The following COTL1 variants were observed in gnomAD, a reference collection of about 807,000 sequenced individuals.
COTL1 encodes the protein coactosin like F-actin binding protein 1, also known as coactosin-like protein.
COTL1 carries 15 observed loss-of-function variants against 16.5 expected under a neutral mutation model. That is an observed-to-expected ratio of 0.91 (90% confidence interval 0.61 to 1.40). COTL1 has a LOEUF of 1.40. Among genes scored for constraint, COTL1 ranks in the 40% most tolerant of loss-of-function variants. The probability of loss-of-function intolerance (pLI) is 0.00; values close to 1 mark genes in which losing one functional copy is unlikely to be tolerated. For missense variants in COTL1, 220 were observed against 201.5 expected (o/e 1.09, Z -0.56); for synonymous variants, 112 against 85.3 (o/e 1.31, Z -1.73).
At chr16:84,610,066 A>G (rs1408276552) in intron 2 of COTL1, among the ~76,000 whole-genome samples, 1 of 152,142 alleles carries the variant, frequency 6.6e-6, no homozygotes, top group Non-Finnish European at 1.5e-5. Flanking sequence ...AGCCCCTCAA[A>G]CATCTGAAGA....
intron 3 of COTL1, among the ~76,000 whole-genome samples, chr16:84,587,160 C>A (rs193293327): frequency 1.3e-3 from 200 of 152,280 alleles, no homozygotes; most frequent in Non-Finnish European, 2.1e-3. Flanking sequence ...TGGAGAAAAA[C>A]AGCCTGTAGG....
At chr16:84,582,414 G>A (rs553949805) in intron 3 of COTL1, among the ~76,000 whole-genome samples, 11 of 152,314 alleles carry the variant, frequency 7.2e-5, no homozygotes, top group African/African-American at 2.6e-4. Flanking sequence ...AAAGTACTAG[G>A]ATTACAGGCA....
chr16:84,613,243 A>C (rs1905379764), intron 2 of COTL1, among the ~76,000 whole-genome samples: 1 of 151,940 alleles, frequency 6.6e-6, no homozygotes, highest in Non-Finnish European at 1.5e-5. Flanking sequence ...CAAGTGATCC[A>C]CCTGCCTTGG....
At chr16:84,588,024 G>T (rs1457265238) in intron 3 of COTL1, among the ~76,000 whole-genome samples, 2 of 152,018 alleles carry the variant, frequency 1.3e-5, no homozygotes, top group Admixed American at 1.3e-4. Flanking sequence ...CGCCTGCCTT[G>T]GCCTCCCAAA....
At position 84,566,528 on chromosome 16, in the gene COTL1, T is replaced by G; in HGVS notation, c.*317A>C. 4.3e-6 allele frequency: 1 copy of G among 234,562 alleles called. No individual in the cohort carries two copies. Among genetic ancestry groups the G allele is most frequent in the Non-Finnish European group, 8.3e-6 (1 of 120,162 alleles). The allele number at this position is 234,562 out of a possible 1,614,324, so 14.5% of individuals were successfully genotyped here. A position where few individuals can be genotyped will look rare whatever the true frequency, so the allele number is the denominator to read the frequency against. On this transcript the variant is annotated 3_prime_UTR_variant, in exon 4 of 4. Coordinates refer to ENST00000262428, the MANE Select transcript of COTL1 (RefSeq NM_021149.5). ...GGAAGAGAAATGCCAGGAAAAGGGG[T>G]CACTGCAGGAGGCACCTCGGATCTG... is the stretch of plus-strand genomic sequence containing the variant.
chr16:84,581,975 CTTCTTTTTTTTTTTTTT>C (rs1297990813), intron 3 of COTL1, among the ~76,000 whole-genome samples: 12 of 133,138 alleles, frequency 9.0e-5, no homozygotes, highest in Non-Finnish European at 1.1e-4. Context: ...AGATACATTT[CTTCTTTTTTTTTTTTTT>C]TTTTTTTTTT....
At chr16:84,571,303 G>A (rs1033939339) in intron 3 of COTL1, among the ~76,000 whole-genome samples, 6 of 152,202 alleles carry the variant, frequency 3.9e-5, no homozygotes, top group African/African-American at 1.4e-4. Flanking sequence ...AGGGATGGAC[G>A]GAGGACACTG....
intron 2 of COTL1, among the ~76,000 whole-genome samples, chr16:84,612,933 G>C (rs1320300416): frequency 6.6e-6 from 1 of 151,838 alleles, no homozygotes; most frequent in Non-Finnish European, 1.5e-5. Flanking sequence ...CTTGCCCAAG[G>C]CCACACACAC....
intron 2 of COTL1, among the ~76,000 whole-genome samples, chr16:84,600,016 T>C (rs1905078326): frequency 6.6e-6 from 1 of 152,076 alleles, no homozygotes; most frequent in African/African-American, 2.4e-5. Context: ...CGCCCACGTC[T>C]GTAAGAGGGA....
chr16:84,573,417 A>G (rs2966314), intron 3 of COTL1, among the ~76,000 whole-genome samples: 113,921 of 152,016 alleles, frequency 0.75, 42,783 homozygotes, highest in South Asian at 0.9. Flanking sequence ...CCCATCCGAC[A>G]GGGGTGGACA....
intron 3 of COTL1, among the ~76,000 whole-genome samples, chr16:84,588,807 G>A (rs1904793513): frequency 6.6e-6 from 1 of 151,616 alleles, no homozygotes; most frequent in South Asian, 2.1e-4. Flanking sequence ...GTGAGTCACT[G>A]TGCTCAGCCC....
chr16:84,586,711 G>A (rs1170764578), intron 3 of COTL1, among the ~76,000 whole-genome samples: 1 of 152,102 alleles, frequency 6.6e-6, no homozygotes, highest in Non-Finnish European at 1.5e-5. Flanking sequence ...AGCCTCCCGA[G>A]TAGCTGGGAC....
intron 3 of COTL1, among the ~76,000 whole-genome samples, chr16:84,588,145 G>A (rs1039700556): frequency 2.9e-4 from 44 of 152,182 alleles, no homozygotes; most frequent in African/African-American, 1.0e-3. Flanking sequence ...ACTTTCGGAG[G>A]CTGAGGTGTA....
In COTL1 at chr16:84,566,860, G is replaced by A. The variant is rs141928182; in HGVS notation, c.414C>T (p.Asp138=). 1.4e-4 allele frequency: 220 copies of A among 1,612,600 alleles called. No individual in the cohort carries two copies. Among genetic ancestry groups the A allele is most frequent in the African/African-American group, 6.4e-4 (48 of 74,938 alleles). Residue 138 remains aspartate (D), a synonymous_variant, in exon 4 of 4, where the codon GAC becomes GAT. Transcript: ENST00000262428. ...ELKKAGGANY[D]AQTE is the part of the protein sequence containing the mutation. ...GGGGCTGGGGTTACTCCGTCTGGGC[G>A]TCGTAATTGGCTCCCCCCGCCTTCT...
At chr16:84,573,053 C>T (rs377348093) in intron 3 of COTL1, among the ~76,000 whole-genome samples, 3 of 152,222 alleles carry the variant, frequency 2.0e-5, no homozygotes, top group East Asian at 1.9e-4. Context: ...TTTGCCTGGC[C>T]GGGAATTTTC....
chr16:84,571,511 C>T (rs1904336302), intron 3 of COTL1, among the ~76,000 whole-genome samples: 1 of 152,178 alleles, frequency 6.6e-6, no homozygotes, highest in Non-Finnish European at 1.5e-5. Flanking sequence ...CCGCTCATCT[C>T]TCCCCCCTGC....
At chr16:84,568,203 G>A (rs759226607) in intron 3 of COTL1, 5 of 152,148 alleles carry the variant, frequency 3.3e-5, no homozygotes, top group Non-Finnish European at 5.9e-5. Context: ...TCGCCACATT[G>A]GCCAGGCTGG....
At chr16:84,597,023 C>T (rs952462813) in intron 2 of COTL1, among the ~76,000 whole-genome samples, 3 of 152,252 alleles carry the variant, frequency 2.0e-5, no homozygotes, top group Non-Finnish European at 4.4e-5. Flanking sequence ...GCAGGGGCCG[C>T]ATCCCAGCCG....
Position 84,599,774 on chromosome 16 carries a change from C to A in COTL1, c.161-9512G>T, listed in dbSNP as rs562629558. 3.3e-5 allele frequency among the ~76,000 whole-genome samples: 5 copies of A among 152,288 alleles called. No homozygotes were observed. The East Asian group carries it at 9.6e-4, about 29-fold the overall frequency. On this transcript the variant is annotated intron_variant, in intron 2 of 3. Transcript: ENST00000262428. ...AAACACGGCTCAGGAAGGGAAAAAA[C>A]AACCCACACACCAAAAAGCTGAGCT...
Sources: gnomAD v4.1 joint callset for allele counts (sites outside exome capture counted in the v4.1 genomes callset) on GRCh38, gnomAD v4.1.1 for gene constraint, MANE v1.5 for transcripts, NCBI Gene and HGNC (gene_info 2026-07-23, HGNC 2026-07-21) for gene names.